TKT: variants seen among roughly 807,000 people sequenced by gnomAD.
TKT encodes the protein transketolase.
A neutral mutation model predicts 63.9 loss-of-function variants in TKT; 47 were observed. The observed-to-expected ratio is 0.74, with a 90% CI of 0.58 to 0.94. The LOEUF is 0.94. Ranked by LOEUF, TKT falls within the 40% of genes least tolerant of loss-of-function variation. The pLI, the probability that TKT is intolerant of heterozygous loss-of-function variation, is 0.00. For synonymous variants in TKT, 338 were observed against 334.1 expected (o/e 1.01, Z -0.13); for missense variants, 721 against 846.2 (o/e 0.85, Z 1.84).
intron 12 of TKT, 153 bp from the exon 13 acceptor site, chr3:53,227,031 C>T (rs1309200313): frequency 2.5e-5 from 23 of 911,634 alleles, no homozygotes; most frequent in Admixed American, 9.1e-5. Context: ...CTTGCCACCT[C>T]GTTCCCATGG....
rs782474858 is a variant in TKT at position 53,226,834 on chromosome 3, G to C, written c.1618C>G (p.Leu540Val). 2.5e-5 allele frequency: 40 copies of C among 1,613,808 alleles called. No homozygotes were observed. In the Admixed American group the frequency reaches 6.5e-4, roughly 26 times the overall value. Reference protein sequence around the residue: ...RVLDPFTIKPLDRKLILDSAR... With the variant: ...RVLDPFTIKPVDRKLILDSAR... ...CTGTCGAGAATGAGTTTTCTGTCCA[G>C]GGGCTTGATGGTGAAGGGGTCCAGC... is the stretch of plus-strand genomic sequence containing the variant. The change falls in exon 13 of 14, where the codon CTG becomes GTG. Residue 540 changes from leucine to valine, a missense_variant. Coordinates refer to ENST00000462138, the MANE Select transcript of TKT (RefSeq NM_001064.4).
intron 9 of TKT, 24 bp downstream of exon 9, chr3:53,229,256 T>A (rs781900831): frequency 1.2e-6 from 2 of 1,613,202 alleles, no homozygotes; most frequent in East Asian, 4.5e-5. Context: ...GAGCTCCAGG[T>A]GTAAACACCC....
rs1704963100 is a variant in TKT, at chr3:53,235,191, A to G, written c.438-17T>C. 1.3e-6 allele frequency: 2 copies of G among 1,597,130 alleles called. No homozygotes were observed. Among genetic ancestry groups the G allele is most frequent in the South Asian group, 1.1e-5 (1 of 88,896 alleles). ...ACTCGGTAGCTGTGGACAGAGAGTG[A>G]ATCAGGCCAGTCCCTCTCACCTGGA... is the stretch of plus-strand genomic sequence containing the variant. On this transcript the variant is annotated splice_polypyrimidine_tract_variant and intron_variant, in intron 4 of 13. Coordinates refer to ENST00000462138, the MANE Select transcript of TKT (RefSeq NM_001064.4).
intron 1 of TKT, among the ~76,000 whole-genome samples, chr3:53,251,408 G>C (rs35495179): frequency 0.28 from 42,785 of 152,054 alleles, 7,605 homozygotes; most frequent in Admixed American, 0.45. Flanking sequence ...CTGGACCCTT[G>C]CCATAATTCC....
chr3:53,231,796 G>A (rs1243828258), intron 6 of TKT: 2 of 522,188 alleles, frequency 3.8e-6, no homozygotes, highest in East Asian at 6.3e-5. Flanking sequence ...ACAGCTGAGT[G>A]GGAAAGGAGG....
At chr3:53,226,209 C>A in intron 13 of TKT, 1 of 394,866 alleles carries the variant, frequency 2.5e-6, no homozygotes, top group Non-Finnish European at 4.6e-6. Context: ...TGTGAGCCAC[C>A]ATGCACGGCC....
At chr3:53,232,912 C>G in intron 6 of TKT, 1 of 499,164 alleles carries the variant, frequency 2.0e-6, no homozygotes, top group Non-Finnish European at 3.6e-6. Context: ...CACAGACCCT[C>G]CAAGTCCCTC....
rs782419762 is a variant in TKT at position 53,228,045 on chromosome 3, C to G, written c.1573+11G>C. 3.7e-6 allele frequency: 6 copies of G among 1,611,866 alleles called. No individual in the cohort carries two copies. The highest frequency in any genetic ancestry group is 5.1e-6 in the Non-Finnish European group (6 of 1,179,732). On this transcript the variant is annotated intron_variant, in intron 12 of 13. Transcript: ENST00000462138. ...GCTCAGTTGATGACTTTGGAGGCCC[C>G]TTCTCCTCACCTTTCTTCAGCAGTT...
intron 10 of TKT, among the ~76,000 whole-genome samples, 158 bp from the exon 11 acceptor site, chr3:53,228,517 C>T (rs1463165422): frequency 2.0e-4 from 31 of 152,300 alleles, no homozygotes; most frequent in African/African-American, 6.3e-4. Context: ...CTCTGCCGCC[C>T]GCACCCCACT....
intron 4 of TKT, 52 bp downstream of exon 4, chr3:53,240,199 A>G: frequency 6.4e-7 from 1 of 1,567,726 alleles, no homozygotes; most frequent in Non-Finnish European, 8.7e-7. Flanking sequence ...GGGTCACCCA[A>G]GGACCACTCC....
At chr3:53,253,723 T>G (rs1192173562) in intron 1 of TKT, among the ~76,000 whole-genome samples, 2 of 152,174 alleles carry the variant, frequency 1.3e-5, no homozygotes, top group Non-Finnish European at 2.9e-5. Flanking sequence ...AAGATTGTGC[T>G]GCTGCACTCT....
intron 1 of TKT, 90 bp from the exon 2 acceptor site, chr3:53,242,332 T>G: frequency 7.8e-7 from 1 of 1,275,616 alleles, no homozygotes; most frequent in Non-Finnish European, 1.1e-6. Flanking sequence ...TGGGGGTGCA[T>G]GTCCTGAGGA....
intron 1 of TKT, chr3:53,243,448 C>A: frequency 2.6e-6 from 1 of 382,252 alleles, no homozygotes; most frequent in Non-Finnish European, 5.2e-6. Flanking sequence ...AGCCTCCCGC[C>A]CCTCCAATCA....
At chr3:53,255,634 G>A (rs1553682162) in intron 1 of TKT, among the ~76,000 whole-genome samples, 1 of 152,072 alleles carries the variant, frequency 6.6e-6, no homozygotes, top group East Asian at 1.9e-4. Context: ...GAGCCCGGGC[G>A]TAGGGCGAGT....
chr3:53,247,633 C>CA (rs3075723), intron 1 of TKT, among the ~76,000 whole-genome samples: 27,370 of 66,788 alleles, frequency 0.41, 6,288 homozygotes, highest in Admixed American at 0.51. Context: ...GACTCCACCT[C>CA]AAAAAAAAAA....
In TKT at chr3:53,227,806, T is replaced by TGG. The variant is rs35936646; in HGVS notation, c.1573+248_1573+249dup. On this transcript the variant is annotated intron_variant, in intron 12 of 13. Coordinates refer to ENST00000462138, the MANE Select transcript of TKT (RefSeq NM_001064.4). Reference sequence around the variant, plus strand: ...CAGGCCACTGATCTGGCCACCATGCTGGGGGGGTCTCGACTTTAGAGTCAT... The same window carrying TGG: ...CAGGCCACTGATCTGGCCACCATGCTGGGGGGGGGTCTCGACTTTAGAGTCAT... 1.6e-3 allele frequency: 668 copies of TGG among 419,174 alleles called. 1 individual carries two copies. Among genetic ancestry groups the TGG allele is most frequent in the African/African-American group, 0.012 (584 of 49,418 alleles). The allele number at this position is 419,174 out of a possible 1,614,324, so 26.0% of individuals were successfully genotyped here. A position where few individuals can be genotyped will look rare whatever the true frequency, so the allele number is the denominator to read the frequency against.
chr3:53,245,519 C>G (rs1244472879), intron 1 of TKT, among the ~76,000 whole-genome samples: 3 of 152,128 alleles, frequency 2.0e-5, no homozygotes. Context: ...CGCGGTAGCT[C>G]ACACCCGTAA....
intron 6 of TKT, 47 bp downstream of exon 6, chr3:53,233,109 G>T: frequency 2.6e-6 from 4 of 1,538,686 alleles, no homozygotes; most frequent in Non-Finnish European, 9.0e-7. Flanking sequence ...TAGCCACAGT[G>T]TCTGGGCGAG....
Position 53,225,907 on chromosome 3 carries a change from C to T in TKT, c.1721G>A (p.Ser574Asn). 1.2e-6 allele frequency: 2 copies of T among 1,612,986 alleles called. No homozygotes were observed. The highest frequency in any genetic ancestry group is 1.7e-6 in the Non-Finnish European group (2 of 1,179,690). Residue 574 changes from serine to asparagine, a missense_variant, in exon 14 of 14, where the codon AGT becomes AAT. Physicochemically the swap from Ser to Asn is conservative, Grantham distance 46. Transcript: ENST00000462138. ...GATGCCAGGCTCGCCCACTACTGCA[C>T]TGGACACAGCCTCACCAATGCCACC... is the stretch of plus-strand genomic sequence containing the variant. Reference protein sequence around the residue: ...YEGGIGEAVSSAVVGEPGITV... With the variant: ...YEGGIGEAVSNAVVGEPGITV...
Sources: allele counts gnomAD v4.1 joint callset (sites outside exome capture counted in the v4.1 genomes callset), GRCh38; gene constraint gnomAD v4.1.1; transcripts MANE v1.5; gene names NCBI Gene and HGNC (gene_info 2026-07-23, HGNC 2026-07-21).